Variants in ADGRV1 observed in about 807,000 individuals in gnomAD.
ADGRV1 encodes adhesion G protein-coupled receptor V1.
A neutral mutation model predicts 596.2 loss-of-function variants in ADGRV1; 359 were observed. The observed-to-expected ratio is 0.60, with a 90% confidence interval of 0.55 to 0.66. The LOEUF is 0.66. Ranked by LOEUF, ADGRV1 falls within the 30% of genes least tolerant of loss-of-function variation. The pLI is 0.00. For synonymous variants in ADGRV1, 2,681 were observed against 2,679.2 expected (o/e 1.00, Z -0.02); for missense variants, 7,274 against 7,575.6 (o/e 0.96, Z 1.48).
chr5:91,132,888 A>C (rs983256200), intron 87 of ADGRV1, among the ~76,000 whole-genome samples: 1 of 152,240 alleles, frequency 6.6e-6, no homozygotes, highest in Non-Finnish European at 1.5e-5. Flanking sequence ...GGTAATGATG[A>C]CCTTGAAAAA....
intron 83 of ADGRV1, among the ~76,000 whole-genome samples, chr5:90,883,891 A>C (rs1770031111): frequency 6.6e-6 from 1 of 152,116 alleles, no homozygotes; most frequent in Non-Finnish European, 1.5e-5. Context: ...GGAAGGTTGT[A>C]GTTTGACAGT....
chr5:91,149,874 A>AAAACAAAT (rs1038262556), intron 87 of ADGRV1, among the ~76,000 whole-genome samples, 156 bp from the exon 88 acceptor site: 7 of 151,484 alleles, frequency 4.6e-5, no homozygotes, highest in African/African-American at 1.7e-4. Context: ...GAAAGAAAGA[A>AAAACAAAT]AAACAAATTA....
intron 85 of ADGRV1, among the ~76,000 whole-genome samples, chr5:91,046,937 C>G (rs183452401): frequency 6.6e-6 from 1 of 152,002 alleles, no homozygotes; most frequent in Non-Finnish European, 1.5e-5. Context: ...ACTAATGATC[C>G]GGGAAATGCA....
intron 83 of ADGRV1, among the ~76,000 whole-genome samples, chr5:90,950,400 C>T (rs1776959877): frequency 6.6e-6 from 1 of 152,126 alleles, no homozygotes. Context: ...CGGCTCACTG[C>T]AACCTCTGCC....
At chr5:90,579,645 A>G (rs952207656) in intron 1 of ADGRV1, among the ~76,000 whole-genome samples, 10 of 152,132 alleles carry the variant, frequency 6.6e-5, no homozygotes, top group Non-Finnish European at 1.3e-4. Context: ...AGCTGAGTTC[A>G]TGTCCTGGAT....
At chr5:90,799,782 C>T (rs1001406756) in intron 70 of ADGRV1, among the ~76,000 whole-genome samples, 3 of 152,148 alleles carry the variant, frequency 2.0e-5, no homozygotes, top group Non-Finnish European at 2.9e-5. Flanking sequence ...CACACATCTA[C>T]AACCATCTGA....
In ADGRV1 at chr5:90,745,649, C is replaced by A; in HGVS notation, c.10828C>A (p.Leu3610Ile). 1 of 1,612,656 alleles carries A rather than the reference C, an allele frequency of 6.2e-7. No homozygotes were observed. The highest frequency in any genetic ancestry group is 8.5e-7 in the Non-Finnish European group (1 of 1,179,114). Residue 3610 changes from leucine (L) to isoleucine (I), a missense_variant, in exon 52 of 90, where the codon CTT becomes ATT. By Grantham distance (5) the Leu-to-Ile change is conservative. This residue lies in a region of ADGRV1 where 3,643 missense variants were observed against 3,809.2 expected (regional missense o/e 0.96). Transcript: ENST00000405460. ...AGAAGCTACAATAGCAGTAAATATC[C>A]TTGATGATACAGTTCCAGAAAAAGA... is the stretch of plus-strand genomic sequence containing the variant. ...EREATIAVNILDDTVPEKEES... is the reference protein window; with the variant it reads ...EREATIAVNIIDDTVPEKEES...
intron 83 of ADGRV1, among the ~76,000 whole-genome samples, chr5:90,912,880 T>C (rs10080224): frequency 0.023 from 3,552 of 152,286 alleles, 140 homozygotes; most frequent in African/African-American, 0.081. Flanking sequence ...CATCATCTTT[T>C]GCTCAAAGTT....
At chr5:90,743,178 T>A (rs779914654) in intron 50 of ADGRV1, among the ~76,000 whole-genome samples, 18 of 152,166 alleles carry the variant, frequency 1.2e-4, no homozygotes, top group Non-Finnish European at 2.4e-4. Flanking sequence ...CTGAATTAAT[T>A]TTTTTACTCA....
intron 85 of ADGRV1, among the ~76,000 whole-genome samples, chr5:90,999,319 A>G (rs896767528): frequency 1.3e-5 from 2 of 152,024 alleles, no homozygotes; most frequent in Non-Finnish European, 2.9e-5. Context: ...TTTTCCATCT[A>G]CAATAATAGT....
At chr5:90,630,762 T>C (rs959482949) in intron 9 of ADGRV1, among the ~76,000 whole-genome samples, 2 of 152,182 alleles carry the variant, frequency 1.3e-5, no homozygotes, top group East Asian at 3.8e-4. Context: ...GATGGATTTA[T>C]TATTCCTTTC....
chr5:91,056,731 G>A (rs1164313614), intron 85 of ADGRV1, among the ~76,000 whole-genome samples: 1 of 152,086 alleles, frequency 6.6e-6, no homozygotes, highest in Admixed American at 6.5e-5. Context: ...TATCTTCAAG[G>A]CTGTCGTCTC....
chr5:90,763,263 G>GTTT (rs748905721), intron 58 of ADGRV1, 42 bp from the exon 59 acceptor site: 841 of 1,082,050 alleles, frequency 7.8e-4, no homozygotes, highest in South Asian at 3.3e-3. Flanking sequence ...TGCTCTTTTT[G>GTTT]TTTTTTTTTT....
chr5:91,030,433 G>A (rs1007369756), intron 85 of ADGRV1, among the ~76,000 whole-genome samples: 1 of 151,980 alleles, frequency 6.6e-6, no homozygotes, highest in African/African-American at 2.4e-5. Flanking sequence ...TTCTTTGTGT[G>A]TAAAGATTTG....
In ADGRV1 at chr5:90,823,417, G is replaced by A. The variant is rs772727713; in HGVS notation, c.16197-8G>A. Reference sequence around the variant, plus strand: ...CTGTTAAGGCATTGGTGGGTTTCTTGCTCACAGGGCCTTTGAAGATGTCAA... The same window carrying A: ...CTGTTAAGGCATTGGTGGGTTTCTTACTCACAGGGCCTTTGAAGATGTCAA... On this transcript the variant is annotated splice_region_variant and splice_polypyrimidine_tract_variant and intron_variant, in intron 75 of 89. Transcript: ENST00000405460. 6.2e-7 allele frequency: 1 copy of A among 1,612,734 alleles called. No individual in the cohort carries two copies. Among genetic ancestry groups the A allele is most frequent in the Non-Finnish European group, 8.5e-7 (1 of 1,179,558 alleles).
chr5:90,706,409 T>TA lies in ADGRV1; in HGVS notation c.8730+15_8730+16insA. ...CCATTCTTGAGGTAAAACTCTTTTT[T>TA]TTTTTTAATCTTAGGGGGAGATAGT... is the stretch of plus-strand genomic sequence containing the variant. On this transcript the variant is annotated intron_variant, in intron 38 of 89. Coordinates refer to ENST00000405460, the MANE Select transcript of ADGRV1 (RefSeq NM_032119.4). 1 of 1,551,614 alleles carries TA rather than the reference T, an allele frequency of 6.4e-7. No individual in the cohort carries two copies. Among genetic ancestry groups the TA allele is most frequent in the Non-Finnish European group, 8.7e-7 (1 of 1,154,692 alleles).
chr5:90,628,082 C>T (rs1765022474), intron 7 of ADGRV1: 1 of 188,016 alleles, frequency 5.3e-6, no homozygotes, highest in South Asian at 1.8e-4. Flanking sequence ...ATATCTACAC[C>T]TTCATATTAA....
At chr5:90,839,965 C>T (rs1193592734) in intron 77 of ADGRV1, among the ~76,000 whole-genome samples, 1 of 152,182 alleles carries the variant, frequency 6.6e-6, no homozygotes, top group Non-Finnish European at 1.5e-5. Context: ...TAAATAAATG[C>T]ACATTCCTTT....
intron 29 of ADGRV1, among the ~76,000 whole-genome samples, chr5:90,687,558 G>T (rs567874704): frequency 6.6e-6 from 1 of 152,130 alleles, no homozygotes; most frequent in Non-Finnish European, 1.5e-5. Context: ...GGGCAATTAG[G>T]CAGGAGAATG....
Sources: gnomAD v4.1 joint callset for allele counts (sites outside exome capture counted in the v4.1 genomes callset) on GRCh38, gnomAD v4.1.1 for gene constraint, gnomAD v4.1.1 regional missense constraint, MANE v1.5 for transcripts, NCBI Gene and HGNC (gene_info 2026-07-23, HGNC 2026-07-21) for gene names.